Variants in OARD1 observed in about 807,000 individuals in gnomAD.
OARD1 encodes the protein O-acyl-ADP-ribose deacylase 1.
Under a neutral mutation model 19.7 loss-of-function variants are expected in OARD1, and 19 were observed. The ratio of observed to expected loss-of-function variants is 0.96; its 90% CI spans 0.67 to 1.41. The LOEUF is 1.41. Ranked by LOEUF, OARD1 falls within the 40% of genes most tolerant of loss-of-function variation. The pLI is 0.00. For synonymous variants in OARD1, 70 were observed against 61.8 expected (o/e 1.13, Z -0.62); for missense variants, 190 against 183.8 (o/e 1.03, Z -0.20).
chr6:41,083,583 G>A (rs145091516), intron 1 of OARD1, among the ~76,000 whole-genome samples: 73 of 152,262 alleles, frequency 4.8e-4, no homozygotes, highest in Middle Eastern at 6.8e-3. Context: ...GCCTCCTAGA[G>A]TCATTGCTGG....
Position 41,064,923 on chromosome 6 carries a change from T to TA in OARD1, c.*2411dup, listed in dbSNP as rs1762949851. Reference sequence around the variant, plus strand: ...TGTCAAGTCTCTCTTTTTTTTTTTTTAAAGGTTTGTTTGAGTCCTATGTGG... The same window carrying TA: ...TGTCAAGTCTCTCTTTTTTTTTTTTTAAAAGGTTTGTTTGAGTCCTATGTGG... On this transcript the variant is annotated 3_prime_UTR_variant, in exon 6 of 6. Transcript: ENST00000424266. 1 of 151,954 alleles carries TA rather than the reference T, an allele frequency of 6.6e-6. No individual in the cohort carries two copies. Among genetic ancestry groups the TA allele is most frequent in the East Asian group, 1.9e-4 (1 of 5,186 alleles). 9.4% of individuals were successfully genotyped at this position (151,954 alleles called of 1,614,324 possible). A position where few individuals can be genotyped will look rare whatever the true frequency, so the allele number is the denominator to read the frequency against.
chr6:41,077,802 G>A (rs143778482), intron 1 of OARD1, among the ~76,000 whole-genome samples: 5 of 152,286 alleles, frequency 3.3e-5, no homozygotes, highest in Admixed American at 2.0e-4. Flanking sequence ...CATTCCATTA[G>A]ATCAAGGGCA....
At chr6:41,092,733 G>GT (rs1764228899) in intron 1 of OARD1, among the ~76,000 whole-genome samples, 1 of 152,134 alleles carries the variant, frequency 6.6e-6, no homozygotes, top group Non-Finnish European at 1.5e-5. Flanking sequence ...CATCTGGGGT[G>GT]TTTGTTTAAA....
chr6:41,066,697 G>GCTTGGACC lies in OARD1; in HGVS notation c.*630_*637dup, dbSNP rs1289729111. On this transcript the variant is annotated 3_prime_UTR_variant, in exon 6 of 6. Transcript: ENST00000424266. ...TATTTCTCACTTTGCTTCTCCTCCCGCTTGGACCCTTTGTCTGACTGTTTG... is the reference window on the plus strand; with the variant it reads ...TATTTCTCACTTTGCTTCTCCTCCCGCTTGGACCCTTGGACCCTTTGTCTGACTGTTTG... 1 of 151,978 alleles carries GCTTGGACC rather than the reference G, an allele frequency of 6.6e-6. No homozygotes were observed. The highest frequency in any genetic ancestry group is 1.5e-5 in the Non-Finnish European group (1 of 68,016). 9.4% of individuals were successfully genotyped at this position (151,978 alleles called of 1,614,324 possible).
intron 5 of OARD1, among the ~76,000 whole-genome samples, chr6:41,068,280 A>G (rs1293929883): frequency 1.3e-5 from 2 of 152,186 alleles, no homozygotes; most frequent in African/African-American, 4.8e-5. Context: ...AAAGAAAGCA[A>G]AGGGACTACT....
At chr6:41,093,223 T>G in intron 1 of OARD1, 1 of 725,094 alleles carries the variant, frequency 1.4e-6, no homozygotes, top group Non-Finnish European at 2.1e-6. Context: ...TTTGTAAGAG[T>G]TAGCATTTGT....
intron 5 of OARD1, 77 bp from the exon 6 acceptor site, chr6:41,067,514 A>C: frequency 1.0e-6 from 1 of 954,830 alleles, no homozygotes; most frequent in Non-Finnish European, 1.6e-6. Context: ...AGCTATATCC[A>C]CTCAAAGCAT....
chr6:41,070,040 T>C (rs770036867), intron 4 of OARD1, 36 bp downstream of exon 4: 2 of 1,207,220 alleles, frequency 1.7e-6, no homozygotes, highest in Non-Finnish European at 2.5e-6. Flanking sequence ...TATTAAGAAC[T>C]GGCCCTGAAA....
At chr6:41,067,547 C>A in intron 5 of OARD1, 110 bp from the exon 6 acceptor site, 1 of 705,936 alleles carries the variant, frequency 1.4e-6, no homozygotes, top group Non-Finnish European at 2.4e-6. Flanking sequence ...TCTAGTCTGA[C>A]ACCCTTATGG....
At chr6:41,076,445 C>A (rs558652128), upstream of OARD1, among the ~76,000 whole-genome samples, 1 of 152,316 alleles carries the variant, frequency 6.6e-6, no homozygotes, top group Admixed American at 6.5e-5. Flanking sequence ...TAGTGATTAT[C>A]AACTGTGATA....
intron 1 of OARD1, among the ~76,000 whole-genome samples, chr6:41,080,601 A>C (rs1346544225): frequency 6.6e-6 from 1 of 152,198 alleles, no homozygotes; most frequent in African/African-American, 2.4e-5. Flanking sequence ...TGAGTTTTTG[A>C]GTCAAATTTT....
chr6:41,084,019 C>T, intron 1 of OARD1: 2 of 1,569,950 alleles, frequency 1.3e-6, no homozygotes, highest in South Asian at 2.4e-5. Context: ...TATGTTATTT[C>T]ATTGTTCTTA....
chr6:41,074,804 C>G (rs1216381374), upstream of OARD1, among the ~76,000 whole-genome samples: 1 of 152,130 alleles, frequency 6.6e-6, no homozygotes, highest in Non-Finnish European at 1.5e-5. Context: ...GAGTTTCTGA[C>G]TTGTTTATGG....
chr6:41,073,588 C>T (rs1238864436), upstream of OARD1, among the ~76,000 whole-genome samples: 7 of 152,076 alleles, frequency 4.6e-5, no homozygotes, highest in Non-Finnish European at 2.9e-5. Flanking sequence ...TCCCAGCGAG[C>T]CGGGTCTGTC....
upstream of OARD1, among the ~76,000 whole-genome samples, chr6:41,076,791 C>G (rs927505610): frequency 1.3e-5 from 2 of 152,190 alleles, no homozygotes; most frequent in Admixed American, 6.5e-5. Flanking sequence ...GAAAGACTAT[C>G]GAATTGTATT....
intron 1 of OARD1, chr6:41,089,785 G>A: frequency 6.5e-7 from 1 of 1,535,850 alleles, no homozygotes; most frequent in Non-Finnish European, 8.8e-7. Flanking sequence ...GATATTTCAT[G>A]TATAGCATGT....
chr6:41,072,538 C>A (rs1009810202), upstream of OARD1: 1 of 152,334 alleles, frequency 6.6e-6, no homozygotes, highest in African/African-American at 2.4e-5. Context: ...AGCCCACACT[C>A]TTTGGCGAAG....
At chr6:41,068,794 C>T (rs1467329764) in intron 5 of OARD1, 47 bp downstream of exon 5, 2 of 1,028,788 alleles carry the variant, frequency 1.9e-6, no homozygotes, top group Non-Finnish European at 2.9e-6. Context: ...AGATAGTAAA[C>T]CCCACCAATC....
upstream of OARD1, among the ~76,000 whole-genome samples, chr6:41,077,499 G>A (rs557717961): frequency 7.9e-5 from 12 of 151,618 alleles, no homozygotes; most frequent in East Asian, 1.4e-3. Flanking sequence ...ATATATATTC[G>A]TTTACATCAT....
Sources: allele counts gnomAD v4.1 joint callset (sites outside exome capture counted in the v4.1 genomes callset), GRCh38; gene constraint gnomAD v4.1.1; transcripts MANE v1.5; gene names NCBI Gene and HGNC (gene_info 2026-07-23, HGNC 2026-07-21).